EIF5B: variants seen among roughly 807,000 people sequenced by gnomAD.
The protein encoded by EIF5B is eukaryotic translation initiation factor 5B.
EIF5B carries 47 observed loss-of-function variants against 147.5 expected under a neutral mutation model. The observed-to-expected ratio is 0.32, with a 90% confidence interval of 0.25 to 0.41. EIF5B has a LOEUF of 0.41. Ranked by LOEUF, EIF5B falls within the 10% of genes least tolerant of loss-of-function variation. The probability of loss-of-function intolerance (pLI) is 1.00; values close to 1 mark genes in which losing one functional copy is unlikely to be tolerated. For synonymous variants in EIF5B, 455 were observed against 456.2 expected (o/e 1.00, Z 0.03); for missense variants, 1,064 against 1,413.2 (o/e 0.75, Z 3.96).
At chr2:99,361,865 C>T in intron 4 of EIF5B, 45 bp downstream of exon 4, 2 of 1,474,052 alleles carry the variant, frequency 1.4e-6, no homozygotes, top group Non-Finnish European at 1.8e-6. Flanking sequence ...TTTTGATTCA[C>T]AGTATAAGTT....
In EIF5B at chr2:99,346,689, G is replaced by A. The variant is rs139830725; in HGVS notation, c.35+9100G>A. On this transcript the variant is annotated intron_variant, in intron 1 of 23. Transcript: ENST00000289371. ...GGGTTGATGCCATTCTCCTGCCTCA[G>A]CCTCTCGAGTAGCTGGCACTACAGG... 3.3e-3 allele frequency among the ~76,000 whole-genome samples: 433 copies of A among 129,546 alleles called. 4 individuals carry two copies. The highest frequency in any genetic ancestry group is 0.012 in the African/African-American group (417 of 34,976). The allele number at this position is 129,546 out of a possible 152,430, so 85.0% of individuals were successfully genotyped here.
chr2:99,400,195 A>AGAG lies in EIF5B; in HGVS notation c.*782_*784dup, dbSNP rs1491126343. 6.6e-6 allele frequency: 1 copy of AGAG among 151,982 alleles called. No homozygotes were observed. Among genetic ancestry groups the AGAG allele is most frequent in the African/African-American group, 2.4e-5 (1 of 41,340 alleles). The allele number at this position is 151,982 out of a possible 1,614,324, so 9.4% of individuals were successfully genotyped here. ...TTGTATGCCAGCACCTGGTAACAGT[A>AGAG]GAGATTTTTATACATTAATCTTGAT... On this transcript the variant is annotated 3_prime_UTR_variant, in exon 24 of 24. Transcript: ENST00000289371.
chr2:99,389,918 G>A (rs1440254921), intron 15 of EIF5B, 69 bp downstream of exon 15: 1 of 1,500,272 alleles, frequency 6.7e-7, no homozygotes, highest in African/African-American at 1.4e-5. Flanking sequence ...TTATAATGAA[G>A]TCAGCATTTT....
chr2:99,345,474 A>G (rs2094270676), intron 1 of EIF5B, among the ~76,000 whole-genome samples: 2 of 151,962 alleles, frequency 1.3e-5, no homozygotes, highest in South Asian at 2.1e-4. Flanking sequence ...CATGCCTATA[A>G]TCCCAGCTAC....
At chr2:99,344,216 G>A (rs952275498) in intron 1 of EIF5B, among the ~76,000 whole-genome samples, 2 of 151,976 alleles carry the variant, frequency 1.3e-5, no homozygotes, top group African/African-American at 2.4e-5. Context: ...CACCGCACCC[G>A]GCCTGCATTC....
At chr2:99,388,699 A>T (rs1048872363) in intron 14 of EIF5B, among the ~76,000 whole-genome samples, 3 of 152,130 alleles carry the variant, frequency 2.0e-5, no homozygotes, top group African/African-American at 7.2e-5. Context: ...TCCTTTTGAT[A>T]TATTGCTAGA....
chr2:99,398,938 T>G (rs1377203478), intron 23 of EIF5B, 29 bp downstream of exon 23: 56 of 1,604,628 alleles, frequency 3.5e-5, no homozygotes, highest in Non-Finnish European at 4.7e-5. Context: ...GTGGCACACT[T>G]TAAGCAACAG....
chr2:99,400,467 C>CA lies in EIF5B; in HGVS notation c.*1054dup, dbSNP rs1162733151. 1 of 152,098 alleles carries CA rather than the reference C, an allele frequency of 6.6e-6. No individual in the cohort carries two copies. Among genetic ancestry groups the CA allele is most frequent in the East Asian group, 1.9e-4 (1 of 5,196 alleles). The allele number at this position is 152,098 out of a possible 1,614,324, so 9.4% of individuals were successfully genotyped here. On this transcript the variant is annotated 3_prime_UTR_variant, in exon 24 of 24. Coordinates refer to ENST00000289371, the MANE Select transcript of EIF5B (RefSeq NM_015904.4). ...GTTTGAGGAAAAAGTTCCAAATATC[C>CA]ACTAGCATAGAATTTTAAACTATTT...
intron 17 of EIF5B, among the ~76,000 whole-genome samples, chr2:99,391,358 A>T (rs1318980199): frequency 6.6e-6 from 1 of 152,202 alleles, no homozygotes; most frequent in Non-Finnish European, 1.5e-5. Flanking sequence ...GGACATATGC[A>T]GTTCAAGCCC....
At chr2:99,344,404 TTTGTTGTTG>T (rs149285717) in intron 1 of EIF5B, among the ~76,000 whole-genome samples, 27 of 149,514 alleles carry the variant, frequency 1.8e-4, no homozygotes, top group South Asian at 1.3e-3. Context: ...GCCACCACAG[TTTGTTGTTG>T]TTGTTGTTGT....
intron 2 of EIF5B, 38 bp from the exon 3 acceptor site, chr2:99,360,427 A>G: frequency 6.2e-7 from 1 of 1,605,570 alleles, no homozygotes; most frequent in South Asian, 1.1e-5. Context: ...AATAAAAACT[A>G]TACCAGTGCT....
intron 6 of EIF5B, among the ~76,000 whole-genome samples, chr2:99,367,527 C>T (rs956222441): frequency 6.6e-6 from 1 of 151,632 alleles, no homozygotes; most frequent in Non-Finnish European, 1.5e-5. Context: ...ACCTCTGCCT[C>T]CCAGGTTCAA....
At chr2:99,338,359 G>C (rs1472058060) in intron 1 of EIF5B, 9 of 1,288,348 alleles carry the variant, frequency 7.0e-6, no homozygotes, top group Non-Finnish European at 9.1e-6. Context: ...ATTCGATTGA[G>C]TTCTGTTACT....
intron 1 of EIF5B, among the ~76,000 whole-genome samples, chr2:99,350,512 C>A (rs1374286083): frequency 1.3e-5 from 2 of 151,968 alleles, no homozygotes; most frequent in Non-Finnish European, 1.5e-5. Flanking sequence ...ATTTGCATTT[C>A]CCTGATGTTT....
chr2:99,379,135 GTATT>G lies in EIF5B; in HGVS notation c.1950+10_1950+13del. On this transcript the variant is annotated intron_variant, in intron 11 of 23. Transcript: ENST00000289371. ...CAAAAATTCTAGATAAGGTAAGAAAGTATTAAATGTATTGATAGAACTTTGAAAA... is the reference window on the plus strand; with the variant it reads ...CAAAAATTCTAGATAAGGTAAGAAAGAAATGTATTGATAGAACTTTGAAAA... 2 of 1,573,706 alleles carry G rather than the reference GTATT, an allele frequency of 1.3e-6. No homozygotes were observed. Among genetic ancestry groups the G allele is most frequent in the Non-Finnish European group, 1.7e-6 (2 of 1,159,562 alleles).
chr2:99,381,405 G>A (rs906215762), intron 12 of EIF5B, among the ~76,000 whole-genome samples: 1 of 152,082 alleles, frequency 6.6e-6, no homozygotes, highest in Non-Finnish European at 1.5e-5. Flanking sequence ...CCAGAATGCG[G>A]ATCTGAAATG....
chr2:99,378,244 TA>T (rs1674603566), intron 10 of EIF5B, among the ~76,000 whole-genome samples: 1 of 152,232 alleles, frequency 6.6e-6, no homozygotes, highest in Non-Finnish European at 1.5e-5. Flanking sequence ...AATAGTTTTG[TA>T]AATGACATTA....
At position 99,396,929 on chromosome 2, in the gene EIF5B, T is replaced by C. The variant is rs548831096; in HGVS notation, c.3393+31T>C. 2.0e-5 allele frequency: 31 copies of C among 1,581,542 alleles called. No individual in the cohort carries two copies. The East Asian group carries it at 6.7e-4, about 34-fold the overall frequency. On this transcript the variant is annotated intron_variant, in intron 22 of 23. Coordinates refer to ENST00000289371, the MANE Select transcript of EIF5B (RefSeq NM_015904.4). ...TTCTAGTTGTACATTCTGTGGGTCATTTCTTAAAGCACTAAATGAGTGTCC... is the reference window on the plus strand; with the variant it reads ...TTCTAGTTGTACATTCTGTGGGTCACTTCTTAAAGCACTAAATGAGTGTCC...
At chr2:99,384,490 T>C (rs1218868098) in intron 14 of EIF5B, among the ~76,000 whole-genome samples, 1 of 152,244 alleles carries the variant, frequency 6.6e-6, no homozygotes, top group Non-Finnish European at 1.5e-5. Context: ...CTTTCAAGTA[T>C]TGTTACTTAA....
Sources: gnomAD v4.1 joint callset for allele counts (sites outside exome capture counted in the v4.1 genomes callset) on GRCh38, gnomAD v4.1.1 for gene constraint, MANE v1.5 for transcripts, NCBI Gene and HGNC (gene_info 2026-07-23, HGNC 2026-07-21) for gene names.